Variants in NHS observed in about 807,000 individuals in gnomAD.
The protein encoded by NHS is actin remodeling regulator NHS.
Under a neutral mutation model 72.5 loss-of-function variants are expected in NHS, and 5 were observed. The observed-to-expected ratio is 0.07, with a 90% CI of 0.04 to 0.14. NHS has a LOEUF of 0.14. Among genes scored for constraint, NHS ranks in the 10% least tolerant of loss-of-function variants. The pLI is 1.00. For missense variants in NHS, 1,072 were observed against 1,355.7 expected (o/e 0.79, Z 3.29); for synonymous variants, 464 against 547.7 (o/e 0.85, Z 2.13).
intron 1 of NHS, among the ~76,000 whole-genome samples, chrX:17,476,736 A>G (rs969799679): frequency 2.5e-4 from 28 of 111,458 alleles, no homozygotes; most frequent in Non-Finnish European, 4.3e-4. Context: ...TTATACACCA[A>G]CCTCCCAATA....
At chrX:17,457,966 T>C (rs1256887529) in intron 1 of NHS, among the ~76,000 whole-genome samples, 1 of 112,184 alleles carries the variant, frequency 8.9e-6, no homozygotes, top group Non-Finnish European at 1.9e-5. Flanking sequence ...CAAATGCCTA[T>C]ATTTATATTT....
At chrX:17,492,805 A>G (rs908794204) in intron 1 of NHS, among the ~76,000 whole-genome samples, 3 of 111,895 alleles carry the variant, frequency 2.7e-5, no homozygotes, top group African/African-American at 9.8e-5. Flanking sequence ...GTGATGGAGT[A>G]ACAGGTTCTG....
rs780753915 is a variant in NHS, at chrX:17,733,911, A to T, written c.*1447A>T. 6.3e-5 allele frequency: 7 copies of T among 111,744 alleles called. No homozygotes were observed. Among genetic ancestry groups the T allele is most frequent in the Non-Finnish European group, 1.3e-4 (7 of 53,095 alleles). 9.2% of individuals were successfully genotyped at this position (111,744 alleles called of 1,213,427 possible). On this transcript the variant is annotated 3_prime_UTR_variant, in exon 9 of 9. Transcript: ENST00000676302. The stretch of plus-strand genomic sequence containing the variant: ...AGGGAAACAAGCTGAATTACTTGAA[A>T]TTACTTGAATTTTCTTGTCTTAAAA...
intron 1 of NHS, among the ~76,000 whole-genome samples, chrX:17,406,291 C>A (rs1224127184): frequency 8.9e-6 from 1 of 111,754 alleles, no homozygotes; most frequent in East Asian, 2.8e-4. Flanking sequence ...CCCAAACCCC[C>A]TTGTCCACAT....
chrX:17,492,795 G>C (rs1214770794), intron 1 of NHS, among the ~76,000 whole-genome samples: 1 of 111,616 alleles, frequency 9.0e-6, no homozygotes, highest in African/African-American at 3.3e-5. Context: ...CTTTCTATTG[G>C]TGATGGAGTA....
intron 1 of NHS, among the ~76,000 whole-genome samples, chrX:17,389,774 G>A (rs1351636292): frequency 9.2e-6 from 1 of 109,096 alleles, no homozygotes; most frequent in Non-Finnish European, 1.9e-5. Flanking sequence ...GCTCATTTTT[G>A]TAGTTTTAGT....
chrX:17,546,075 C>T (rs986861154), intron 1 of NHS, among the ~76,000 whole-genome samples: 3 of 111,934 alleles, frequency 2.7e-5, no homozygotes, highest in Admixed American at 9.4e-5. Flanking sequence ...AGAGCTGAGA[C>T]CCAGACACCT....
intron 1 of NHS, among the ~76,000 whole-genome samples, chrX:17,597,770 G>A (rs1043810775): frequency 3.6e-5 from 4 of 110,854 alleles, no homozygotes; most frequent in African/African-American, 1.3e-4. Context: ...GTAACAGGGA[G>A]AGGAAGAGTG....
At chrX:17,434,032 C>A (rs2064708010) in intron 1 of NHS, among the ~76,000 whole-genome samples, 1 of 112,012 alleles carries the variant, frequency 8.9e-6, no homozygotes, top group African/African-American at 3.3e-5. Flanking sequence ...GCTTCATTCT[C>A]TCTCGGGCCT....
intron 1 of NHS, among the ~76,000 whole-genome samples, chrX:17,592,067 A>G (rs2065605480): frequency 9.0e-6 from 1 of 111,386 alleles, no homozygotes; most frequent in Admixed American, 9.5e-5. Context: ...CATATGTATA[A>G]TAGTGTGCAG....
chrX:17,382,053 A>G (rs2064380579), intron 1 of NHS, among the ~76,000 whole-genome samples: 1 of 112,045 alleles, frequency 8.9e-6, no homozygotes, highest in South Asian at 3.7e-4. Context: ...AACTACCTAG[A>G]TATTCTCCTT....
At chrX:17,660,922 G>A (rs1177017858) in intron 1 of NHS, among the ~76,000 whole-genome samples, 1 of 112,543 alleles carries the variant, frequency 8.9e-6, no homozygotes, top group Admixed American at 9.4e-5. Flanking sequence ...AAGATCTCAG[G>A]AGGAGTTGAT....
In NHS at chrX:17,692,637, G is replaced by A. The variant is rs573762254; in HGVS notation, c.852+169G>A. On this transcript the variant is annotated intron_variant, in intron 3 of 8. Transcript: ENST00000676302. ...CCTTCCTTTCATTCCTGAAAGAAAC[G>A]CCTCTTTTTTGGAATACAGACATAT... is the stretch of plus-strand genomic sequence containing the variant. Among the ~76,000 whole-genome samples the A allele has an allele frequency of 1.0e-3, 112 of 111,465 alleles. 1 individual carries two copies. In the South Asian group the frequency reaches 0.038, roughly 38 times the overall value.
intron 1 of NHS, among the ~76,000 whole-genome samples, chrX:17,463,452 T>C (rs1170620904): frequency 1.8e-5 from 2 of 110,672 alleles, no homozygotes; most frequent in Non-Finnish European, 3.8e-5. Context: ...TTAAATAATG[T>C]AATTTGGAAA....
rs73443657 is a variant in NHS, at chrX:17,552,156, T to C, written c.566-135586T>C. ...ACTACCTCCATGGCTACCTTGCATC[T>C]TAATGCAGGTTTTGCACTACACAAG... is the stretch of plus-strand genomic sequence containing the variant. On this transcript the variant is annotated intron_variant, in intron 1 of 8. Transcript: ENST00000676302. 5.8e-3 allele frequency among the ~76,000 whole-genome samples: 646 copies of C among 111,978 alleles called. 7 individuals are homozygous for C. Among genetic ancestry groups the C allele is most frequent in the African/African-American group, 0.02 (604 of 30,828 alleles).
At chrX:17,439,764 G>A (rs2064743277) in intron 1 of NHS, among the ~76,000 whole-genome samples, 1 of 112,242 alleles carries the variant, frequency 8.9e-6, no homozygotes, top group Non-Finnish European at 1.9e-5. Context: ...GTGTATATGT[G>A]TGAGCTTTTC....
intron 1 of NHS, among the ~76,000 whole-genome samples, chrX:17,567,509 C>G (rs1406625456): frequency 9.0e-6 from 1 of 111,635 alleles, no homozygotes; most frequent in Admixed American, 9.5e-5. Flanking sequence ...TCTATAGCTT[C>G]AAAGGAAAAA....
At chrX:17,592,806 G>A (rs1830487926) in intron 1 of NHS, among the ~76,000 whole-genome samples, 2 of 111,460 alleles carry the variant, frequency 1.8e-5, no homozygotes, top group African/African-American at 6.5e-5. Flanking sequence ...GACCAATGGG[G>A]TTTGATTTTT....
At chrX:17,538,867 T>C (rs753967506) in intron 1 of NHS, among the ~76,000 whole-genome samples, 1 of 112,007 alleles carries the variant, frequency 8.9e-6, no homozygotes, top group South Asian at 3.8e-4. Context: ...GATGTCCAGG[T>C]TGGATGTACA....
Sources: gnomAD v4.1 joint callset for allele counts (sites outside exome capture counted in the v4.1 genomes callset) on GRCh38, gnomAD v4.1.1 for gene constraint, MANE v1.5 for transcripts, NCBI Gene and HGNC (gene_info 2026-07-23, HGNC 2026-07-21) for gene names.